The following POFUT3 variants were observed in gnomAD, a reference collection of about 807,000 sequenced individuals.
POFUT3 encodes the protein protein O-fucosyltransferase 3.
At chr8:33,395,624 G>A in the POFUT3 span, among the ~76,000 whole-genome samples, 4 of 152,066 alleles carry the variant, frequency 2.6e-5, no homozygotes, top group African/African-American at 9.7e-5. Context: ...CACTGGATAA[G>A]GACCTGAGCG....
chr8:33,312,509 G>A, the POFUT3 span, among the ~76,000 whole-genome samples: 1 of 152,144 alleles, frequency 6.6e-6, no homozygotes, highest in African/African-American at 2.4e-5. Context: ...TTTCTAGCAT[G>A]CAACTATGAT....
At chr8:33,436,205 C>T in the POFUT3 span, 25 of 1,284,142 alleles carry the variant, frequency 1.9e-5, no homozygotes, top group African/African-American at 1.5e-4. Context: ...AAGCCGAGAA[C>T]GTCCCAGAGA....
the POFUT3 span, among the ~76,000 whole-genome samples, chr8:33,355,598 C>T: frequency 6.6e-6 from 1 of 152,100 alleles, no homozygotes; most frequent in Admixed American, 6.6e-5. Flanking sequence ...GTTATATAAA[C>T]TGGGATGTTA....
the POFUT3 span, among the ~76,000 whole-genome samples, chr8:33,373,225 G>A: frequency 1.3e-5 from 2 of 151,912 alleles, no homozygotes; most frequent in South Asian, 2.1e-4. Context: ...AAGCGTATTC[G>A]AATACTCATT....
At chr8:33,432,265 C>T in the POFUT3 span, among the ~76,000 whole-genome samples, 1 of 151,742 alleles carries the variant, frequency 6.6e-6, no homozygotes, top group African/African-American at 2.4e-5. Flanking sequence ...CAAAAATTAG[C>T]CAGGCATGAT....
chr8:33,335,939 T>C, the POFUT3 span, among the ~76,000 whole-genome samples: 1 of 151,596 alleles, frequency 6.6e-6, no homozygotes, highest in Non-Finnish European at 1.5e-5. Context: ...GCAGAAGAGA[T>C]GGAGGAGGAG....
chr8:33,425,356 A>T, the POFUT3 span, among the ~76,000 whole-genome samples: 12 of 152,108 alleles, frequency 7.9e-5, no homozygotes, highest in African/African-American at 1.2e-4. Context: ...AAATTAAAAA[A>T]TTTTTTAAAT....
chr8:33,311,954 G>A, the POFUT3 span, among the ~76,000 whole-genome samples: 1 of 152,122 alleles, frequency 6.6e-6, no homozygotes, highest in Non-Finnish European at 1.5e-5. Flanking sequence ...CTAATTCAAT[G>A]ACTGCTGTCT....
At chr8:33,411,306 G>A in the POFUT3 span, among the ~76,000 whole-genome samples, 11 of 152,174 alleles carry the variant, frequency 7.2e-5, no homozygotes, top group Admixed American at 2.0e-4. Context: ...CAGCTGGAAC[G>A]AGCCCAAAAT....
the POFUT3 span, among the ~76,000 whole-genome samples, chr8:33,359,738 G>A: frequency 1.1e-4 from 17 of 152,276 alleles, no homozygotes; most frequent in African/African-American, 4.1e-4. Context: ...AGGCACAGTG[G>A]CTTACACCTA....
the POFUT3 span, among the ~76,000 whole-genome samples, chr8:33,361,798 A>G: frequency 6.6e-6 from 1 of 152,182 alleles, no homozygotes; most frequent in East Asian, 1.9e-4. Context: ...GGCATTTTTC[A>G]TGTTCCTGAA....
the POFUT3 span, among the ~76,000 whole-genome samples, chr8:33,420,501 G>A: frequency 2.3e-3 from 344 of 152,234 alleles, 1 homozygote; most frequent in African/African-American, 6.1e-3. Flanking sequence ...ATATCATTCT[G>A]TCTGTTTTGT....
the POFUT3 span, among the ~76,000 whole-genome samples, chr8:33,366,047 A>G: frequency 6.6e-6 from 1 of 152,182 alleles, no homozygotes; most frequent in African/African-American, 2.4e-5. Flanking sequence ...AAACTGTGGC[A>G]CCGTATACAC....
chr8:33,462,036 C>A, the POFUT3 span, among the ~76,000 whole-genome samples: 1 of 144,314 alleles, frequency 6.9e-6, no homozygotes, highest in Non-Finnish European at 1.5e-5. Context: ...GGCACGCACC[C>A]GTAGTCACAG....
chr8:33,433,650 G>A, the POFUT3 span, among the ~76,000 whole-genome samples: 1 of 151,060 alleles, frequency 6.6e-6, no homozygotes, highest in Admixed American at 6.6e-5. Flanking sequence ...CAGGCTTGGT[G>A]GCAGGTACCT....
chr8:33,361,921 A>T, the POFUT3 span, among the ~76,000 whole-genome samples: 4 of 152,186 alleles, frequency 2.6e-5, no homozygotes, highest in Non-Finnish European at 5.9e-5. Flanking sequence ...AAAAAAAATG[A>T]TTTTTAAAAT....
chr8:33,348,679 A>AG, the POFUT3 span, among the ~76,000 whole-genome samples: 2 of 152,264 alleles, frequency 1.3e-5, no homozygotes, highest in African/African-American at 4.8e-5. Flanking sequence ...TGAGTCCTGA[A>AG]GAAAAAACAG....
the POFUT3 span, among the ~76,000 whole-genome samples, chr8:33,380,942 T>C: frequency 6.6e-6 from 1 of 151,936 alleles, no homozygotes; most frequent in Admixed American, 6.6e-5. Flanking sequence ...GAGACCAGCA[T>C]GGACAACATA....
the POFUT3 span, among the ~76,000 whole-genome samples, chr8:33,364,882 C>T: frequency 6.6e-6 from 1 of 152,192 alleles, no homozygotes; most frequent in Non-Finnish European, 1.5e-5. Context: ...CTACCAATGA[C>T]TTTCTTCACA....
Sources: allele counts gnomAD v4.1 joint callset (sites outside exome capture counted in the v4.1 genomes callset), GRCh38; gene constraint gnomAD v4.1.1; transcripts MANE v1.5; gene names NCBI Gene and HGNC (gene_info 2026-07-23, HGNC 2026-07-21).